The following HPSE2 variants were observed in gnomAD, a reference collection of about 807,000 sequenced individuals.
HPSE2 encodes heparanase 2 (inactive), also known as inactive heparanase-2.
HPSE2 carries 38 observed loss-of-function variants against 60.5 expected under a neutral mutation model. The observed-to-expected ratio is 0.63, with a 90% CI of 0.48 to 0.82. The LOEUF is 0.82. HPSE2 is among the 40% of genes least tolerant of loss of function. The pLI is 0.00. For missense variants in HPSE2, 713 were observed against 740.4 expected (o/e 0.96, Z 0.43); for synonymous variants, 295 against 293.2 (o/e 1.01, Z -0.06).
intron 11 of HPSE2, among the ~76,000 whole-genome samples, chr10:98,475,026 C>A (rs771356812): frequency 2.0e-5 from 3 of 152,142 alleles, no homozygotes; most frequent in African/African-American, 7.2e-5. Context: ...ACATTCTGAT[C>A]CGAAACATTC....
At position 98,597,502 on chromosome 10, in the gene HPSE2, TA is replaced by T. The variant is rs371169905; in HGVS notation, c.1320+17401del. 4.4e-3 allele frequency among the ~76,000 whole-genome samples: 608 copies of T among 138,494 alleles called. 1 individual carries two copies. Among genetic ancestry groups the T allele is most frequent in the African/African-American group, 9.3e-3 (348 of 37,334 alleles). 90.9% of individuals were successfully genotyped at this position (138,494 alleles called of 152,430 possible). On this transcript the variant is annotated intron_variant, in intron 9 of 11. Transcript: ENST00000370552. ...CAACATGGTGAAACCCTGTTTCTACTAAAAAAAAAAAAAAGAAAAATAGCCG... is the reference window on the plus strand; with the variant it reads ...CAACATGGTGAAACCCTGTTTCTACTAAAAAAAAAAAAAGAAAAATAGCCG...
chr10:98,941,280 A>G (rs1218000246), intron 3 of HPSE2, among the ~76,000 whole-genome samples: 2 of 127,946 alleles, frequency 1.6e-5, no homozygotes, highest in African/African-American at 3.4e-5. Context: ...TTAGGAAAAG[A>G]GGAAGTCAAA....
intron 9 of HPSE2, among the ~76,000 whole-genome samples, chr10:98,563,878 G>C (rs892665280): frequency 2.6e-5 from 4 of 152,158 alleles, no homozygotes; most frequent in Admixed American, 2.0e-4. Flanking sequence ...GGTCAGACAG[G>C]ATTCCTGGGT....
chr10:98,765,919 C>A (rs946978970), intron 3 of HPSE2, among the ~76,000 whole-genome samples: 1 of 151,360 alleles, frequency 6.6e-6, no homozygotes. Flanking sequence ...AAAAGAAAAG[C>A]AAATAAAATC....
chr10:99,162,484 A>C (rs1236933676), intron 2 of HPSE2, among the ~76,000 whole-genome samples: 2 of 152,168 alleles, frequency 1.3e-5, no homozygotes, highest in Non-Finnish European at 2.9e-5. Flanking sequence ...ACAGGGCTAA[A>C]ACTAGTGCCA....
At chr10:98,608,642 T>G (rs1204829021) in intron 9 of HPSE2, among the ~76,000 whole-genome samples, 5 of 152,148 alleles carry the variant, frequency 3.3e-5, no homozygotes, top group African/African-American at 1.2e-4. Context: ...TGAGTCTCAG[T>G]GATTGATCCT....
At chr10:99,148,930 T>C (rs758853259) in intron 2 of HPSE2, among the ~76,000 whole-genome samples, 3 of 152,044 alleles carry the variant, frequency 2.0e-5, no homozygotes, top group Non-Finnish European at 4.4e-5. Context: ...TGTATACTGC[T>C]TGGGTGATGG....
At chr10:99,252,285 A>G in the HPSE2 span, among the ~76,000 whole-genome samples, 1 of 152,162 alleles carries the variant, frequency 6.6e-6, no homozygotes, top group Non-Finnish European at 1.5e-5. Flanking sequence ...CTCAGCACTC[A>G]TTCTTCATAG....
chr10:98,960,852 T>C (rs945870093), intron 3 of HPSE2, among the ~76,000 whole-genome samples: 5 of 147,424 alleles, frequency 3.4e-5, no homozygotes, highest in African/African-American at 1.2e-4. Context: ...ATGAGTCCTC[T>C]AGCATTAGGT....
chr10:99,152,296 G>C (rs1286986636), intron 2 of HPSE2, among the ~76,000 whole-genome samples: 2 of 144,692 alleles, frequency 1.4e-5, no homozygotes, highest in African/African-American at 2.6e-5. Context: ...GGACAACAGA[G>C]CGAGACTCCA....
chr10:99,203,639 C>A (rs1231468309), intron 2 of HPSE2, among the ~76,000 whole-genome samples: 1 of 152,056 alleles, frequency 6.6e-6, no homozygotes, highest in Non-Finnish European at 1.5e-5. Flanking sequence ...TTCAGGAGCT[C>A]CCTGTGGGCC....
intron 2 of HPSE2, among the ~76,000 whole-genome samples, chr10:99,171,933 C>T: frequency 6.6e-6 from 1 of 152,162 alleles, no homozygotes; most frequent in South Asian, 2.1e-4. Flanking sequence ...AAGGGATTGC[C>T]CTTTGGTGTA....
chr10:99,117,417 GAAAAAAAA>G (rs1157232317), intron 3 of HPSE2, among the ~76,000 whole-genome samples: 6,554 of 23,344 alleles, frequency 0.28, 74 homozygotes, highest in Middle Eastern at 0.38. Flanking sequence ...TTGTTTTTTT[GAAAAAAAA>G]AAAAAAAAAA....
chr10:98,724,097 C>A (rs1234047624), intron 4 of HPSE2, among the ~76,000 whole-genome samples: 1 of 151,950 alleles, frequency 6.6e-6, no homozygotes, highest in African/African-American at 2.4e-5. Context: ...CTCTTGTGGG[C>A]ATTTAGTGCT....
At chr10:98,948,999 A>G (rs963175899) in intron 3 of HPSE2, among the ~76,000 whole-genome samples, 7 of 152,098 alleles carry the variant, frequency 4.6e-5, no homozygotes, top group African/African-American at 1.7e-4. Context: ...CTATTAATAG[A>G]TAAGTTTTGG....
At chr10:98,685,427 G>A (rs1334411324) in intron 6 of HPSE2, among the ~76,000 whole-genome samples, 1 of 152,050 alleles carries the variant, frequency 6.6e-6, no homozygotes, top group African/African-American at 2.4e-5. Context: ...TTCTCAATTT[G>A]TATCCCTACC....
intron 3 of HPSE2, among the ~76,000 whole-genome samples, chr10:98,903,544 A>ACT (rs755946593): frequency 8.6e-5 from 13 of 150,924 alleles, no homozygotes; most frequent in Non-Finnish European, 1.5e-4. Context: ...AAGCGGTCTC[A>ACT]CTCTCTCTCT....
intron 6 of HPSE2, among the ~76,000 whole-genome samples, chr10:98,663,082 G>GA (rs776537620): frequency 1.2e-4 from 18 of 152,178 alleles, no homozygotes; most frequent in Non-Finnish European, 2.4e-4. Context: ...CATAAGGGCA[G>GA]GGGTATGAGG....
intron 8 of HPSE2, among the ~76,000 whole-genome samples, chr10:98,617,712 A>G (rs943563263): frequency 6.6e-6 from 1 of 152,182 alleles, no homozygotes; most frequent in Non-Finnish European, 1.5e-5. Flanking sequence ...AATGACTGGT[A>G]TATCTAACCA....
Sources: allele counts gnomAD v4.1 joint callset (sites outside exome capture counted in the v4.1 genomes callset), GRCh38; gene constraint gnomAD v4.1.1; transcripts MANE v1.5; gene names NCBI Gene and HGNC (gene_info 2026-07-23, HGNC 2026-07-21).